Variants in PDE4D observed in about 807,000 individuals in gnomAD.
PDE4D encodes the protein phosphodiesterase 4D.
In PDE4D, 24 loss-of-function variants were observed where a neutral mutation model predicts 87.4. That is an observed-to-expected ratio of 0.27 (90% confidence interval 0.20 to 0.39). The LOEUF is 0.39. Ranked by LOEUF, PDE4D falls within the 10% of genes least tolerant of loss-of-function variation. PDE4D has a pLI of 1.00. For missense variants in PDE4D, 714 were observed against 1,041.0 expected (o/e 0.69, Z 4.32); for synonymous variants, 384 against 383.2 (o/e 1.00, Z -0.02).
At chr5:60,370,635 A>G (rs969404362) in intron 1 of PDE4D, among the ~76,000 whole-genome samples, 8 of 152,230 alleles carry the variant, frequency 5.3e-5, no homozygotes, top group African/African-American at 1.9e-4. Flanking sequence ...TTTGGAAATT[A>G]ATCCTTTAAG....
intron 4 of PDE4D, among the ~76,000 whole-genome samples, chr5:59,182,362 A>G (rs906404725): frequency 1.3e-5 from 2 of 151,340 alleles, no homozygotes; most frequent in African/African-American, 4.9e-5. Flanking sequence ...AGCTCTAGTG[A>G]TTCCCCCCAC....
At chr5:60,521,802 T>C (rs1751048476) in intron 1 of PDE4D, 1 of 151,960 alleles carries the variant, frequency 6.6e-6, no homozygotes, top group Non-Finnish European at 1.5e-5. Flanking sequence ...CCAAATAAAA[T>C]ATTCTTAGGA....
intron 1 of PDE4D, among the ~76,000 whole-genome samples, chr5:59,573,043 A>G (rs1822147308): frequency 6.6e-6 from 1 of 152,192 alleles, no homozygotes; most frequent in Non-Finnish European, 1.5e-5. Context: ...TATCCAATGG[A>G]CACGGGGATT....
chr5:59,473,029 G>T (rs977370930), intron 1 of PDE4D, among the ~76,000 whole-genome samples: 1 of 147,586 alleles, frequency 6.8e-6, no homozygotes, highest in Admixed American at 6.8e-5. Context: ...GACAAAGCTA[G>T]GTTCATGGCC....
At chr5:60,072,631 T>C (rs10461667) in intron 2 of PDE4D, among the ~76,000 whole-genome samples, 43,517 of 152,034 alleles carry the variant, frequency 0.29, 7,115 homozygotes, top group East Asian at 0.74. Context: ...AGAGCTTTTA[T>C]AGCTTTGAGT....
chr5:59,643,863 G>A (rs1270329170), intron 1 of PDE4D, among the ~76,000 whole-genome samples: 1 of 152,206 alleles, frequency 6.6e-6, no homozygotes, highest in Non-Finnish European at 1.5e-5. Flanking sequence ...ATTACTCTAA[G>A]AAATTGTAAT....
chr5:60,423,978 A>T (rs369704402), intron 1 of PDE4D, among the ~76,000 whole-genome samples: 5 of 152,148 alleles, frequency 3.3e-5, no homozygotes, highest in Non-Finnish European at 7.4e-5. Flanking sequence ...CCTCCCAAGA[A>T]TAAACCAGGA....
intron 2 of PDE4D, among the ~76,000 whole-genome samples, chr5:60,089,272 G>C (rs753740216): frequency 1.3e-5 from 2 of 151,910 alleles, no homozygotes; most frequent in Non-Finnish European, 2.9e-5. Context: ...ACATTCTCTA[G>C]GATAGACCAT....
intron 5 of PDE4D, chr5:59,179,558 G>C: frequency 5.6e-6 from 2 of 354,144 alleles, no homozygotes; most frequent in Middle Eastern, 3.8e-4. Flanking sequence ...AGTTTCACTT[G>C]ATGACATTCA....
intron 3 of PDE4D, among the ~76,000 whole-genome samples, chr5:59,929,537 C>T (rs1231169012): frequency 6.6e-6 from 1 of 151,208 alleles, no homozygotes; most frequent in Non-Finnish European, 1.5e-5. Context: ...TGCTCTTTAT[C>T]CCAAAGAATC....
At chr5:59,908,864 A>T (rs897913548) in intron 3 of PDE4D, among the ~76,000 whole-genome samples, 3 of 152,328 alleles carry the variant, frequency 2.0e-5, no homozygotes, top group African/African-American at 7.2e-5. Context: ...ATTAGAATAC[A>T]CTTGGAAATA....
intron 2 of PDE4D, among the ~76,000 whole-genome samples, chr5:60,165,567 G>A (rs1582932577): frequency 6.6e-6 from 1 of 151,594 alleles, no homozygotes; most frequent in African/African-American, 2.4e-5. Context: ...TTTTGGTAGG[G>A]ATTGCACTGA....
intron 1 of PDE4D, among the ~76,000 whole-genome samples, chr5:59,286,659 T>A (rs750655324): frequency 1.3e-5 from 2 of 152,148 alleles, no homozygotes; most frequent in Admixed American, 6.6e-5. Context: ...AGACTGCAAG[T>A]GTACTCAAAA....
At position 59,045,812 on chromosome 5, in the gene PDE4D, T is replaced by C. The variant is rs750240957; in HGVS notation, c.809-6841A>G. Among the ~76,000 whole-genome samples, 12 of 152,176 alleles carry C rather than the reference T, an allele frequency of 7.9e-5. 1 individual carries two copies. Among genetic ancestry groups the C allele is most frequent in the Non-Finnish European group, 1.5e-5 (1 of 68,034 alleles). On this transcript the variant is annotated intron_variant, in intron 5 of 14. Coordinates refer to ENST00000340635, the MANE Select transcript of PDE4D (RefSeq NM_001104631.2). ...GAAAATTCTAGTGCTATGCAATTAA[T>C]GGAATTTAAGAAAGTAAAGTTGAAG...
intron 2 of PDE4D, among the ~76,000 whole-genome samples, chr5:60,067,303 C>T (rs1772211698): frequency 6.6e-6 from 1 of 152,046 alleles, no homozygotes; most frequent in Non-Finnish European, 1.5e-5. Flanking sequence ...CTGGCCCAGA[C>T]ACACCTTTGC....
At chr5:59,464,806 C>T (rs1205490914) in intron 1 of PDE4D, among the ~76,000 whole-genome samples, 1 of 152,112 alleles carries the variant, frequency 6.6e-6, no homozygotes, top group African/African-American at 2.4e-5. Flanking sequence ...AAAAACACAC[C>T]TATAAGGTGA....
At chr5:60,185,766 A>T (rs1246881872) in intron 1 of PDE4D, 1 of 490,696 alleles carries the variant, frequency 2.0e-6, no homozygotes, top group Non-Finnish European at 3.7e-6. Context: ...AGACTGGGAC[A>T]GTTAATTCTT....
chr5:59,266,474 T>C (rs939158491), intron 1 of PDE4D, among the ~76,000 whole-genome samples: 4 of 151,856 alleles, frequency 2.6e-5, no homozygotes, highest in African/African-American at 9.7e-5. Context: ...GGTTTTATGG[T>C]GCTACTAACT....
At chr5:60,399,988 G>T (rs189737142) in intron 1 of PDE4D, among the ~76,000 whole-genome samples, 16 of 152,334 alleles carry the variant, frequency 1.1e-4, no homozygotes, top group Middle Eastern at 6.8e-3. Context: ...GGACACATTT[G>T]TGCTCAACCA....
Sources: allele counts gnomAD v4.1 joint callset (sites outside exome capture counted in the v4.1 genomes callset), GRCh38; gene constraint gnomAD v4.1.1; transcripts MANE v1.5; gene names NCBI Gene and HGNC (gene_info 2026-07-23, HGNC 2026-07-21).